TOPAZ1: variants seen among roughly 807,000 people sequenced by gnomAD.
The protein encoded by TOPAZ1 is protein TOPAZ1.
In TOPAZ1, 66 loss-of-function variants were observed where a neutral mutation model predicts 172.2. That is an observed-to-expected ratio of 0.38 (90% CI 0.31 to 0.47). The LOEUF is 0.47. Among genes scored for constraint, TOPAZ1 ranks in the 20% least tolerant of loss-of-function variants. The probability of loss-of-function intolerance (pLI) is 0.99; values close to 1 mark genes in which losing one functional copy is unlikely to be tolerated. For missense variants in TOPAZ1, 1,822 were observed against 1,972.4 expected, an observed-to-expected ratio of 0.92 and a Z score of 1.44; for synonymous variants, 681 against 683.9, an observed-to-expected ratio of 1.00 and a Z score of 0.07.
At chr3:44,306,228 G>A (rs1700335320) in intron 14 of TOPAZ1, 98 bp from the exon 15 acceptor site, 1 of 720,204 alleles carries the variant, frequency 1.4e-6, no homozygotes, top group East Asian at 2.7e-5. Context: ...GCCAACACCT[G>A]GTCTTTATGG....
Position 44,243,974 on chromosome 3 carries a change from G to A in TOPAZ1, c.1468G>A (p.Gly490Ser), listed in dbSNP as rs1699524753. 1 of 1,552,160 alleles carries A rather than the reference G, an allele frequency of 6.4e-7. No individual in the cohort carries two copies. The highest frequency in any genetic ancestry group is 1.4e-5 in the African/African-American group (1 of 73,052). ...CTGTCAGAGAACAATACCTATGACTGGTAAAAGAACTTGGCCCTATTATTC... is the reference window on the plus strand; with the variant it reads ...CTGTCAGAGAACAATACCTATGACTAGTAAAAGAACTTGGCCCTATTATTC... ...LSCQRTIPMTGKRTWPYYSCA... is the reference protein window; with the variant it reads ...LSCQRTIPMTSKRTWPYYSCA... The change falls in exon 2 of 20, where the codon GGT (glycine) becomes AGT (serine). Residue 490 changes from glycine to serine, a missense_variant. Physicochemically the swap from Gly to Ser is moderately conservative, Grantham distance 56. This residue lies in a region of TOPAZ1 where 1,489 missense variants were observed against 1,490.8 expected (regional missense o/e 1.00). Transcript: ENST00000309765.
chr3:44,330,404 T>G (rs1218794550), intron 19 of TOPAZ1, among the ~76,000 whole-genome samples: 1 of 152,220 alleles, frequency 6.6e-6, no homozygotes, highest in African/African-American at 2.4e-5. Context: ...ACCAATATAT[T>G]TTCTCTATTG....
chr3:44,311,725 G>T lies in TOPAZ1; in HGVS notation c.4306+1735G>T, dbSNP rs377150639. ...CTAGAATTTTTTAATTCTTAAAAGGGCTCTATAGTGAACAGGCCATTCCCA... is the reference window on the plus strand; with the variant it reads ...CTAGAATTTTTTAATTCTTAAAAGGTCTCTATAGTGAACAGGCCATTCCCA... On this transcript the variant is annotated intron_variant, in intron 16 of 19. Coordinates refer to ENST00000309765, the MANE Select transcript of TOPAZ1 (RefSeq NM_001145030.2). 1.2e-4 allele frequency among the ~76,000 whole-genome samples: 18 copies of T among 152,170 alleles called. No homozygotes were observed. The East Asian group carries it at 1.9e-3, about 16-fold the overall frequency.
At chr3:44,333,110 C>T (rs1302765994), downstream of TOPAZ1, among the ~76,000 whole-genome samples, 1 of 151,838 alleles carries the variant, frequency 6.6e-6, no homozygotes, top group Non-Finnish European at 1.5e-5. Flanking sequence ...AGGCATGGAC[C>T]ACCGTGCCCA....
Position 44,304,035 on chromosome 3 carries a change from A to G in TOPAZ1, c.3818A>G (p.Lys1273Arg). The change falls in exon 13 of 20, where the codon AAA (lysine) becomes AGA (arginine). Residue 1273 changes from lysine (K) to arginine (R), a missense_variant. By Grantham distance (26) the Lys-to-Arg change is conservative. Coordinates refer to ENST00000309765, the MANE Select transcript of TOPAZ1 (RefSeq NM_001145030.2). ...MKSRLQMRRFKKNWKCDLDSA... is the reference protein window; with the variant it reads ...MKSRLQMRRFRKNWKCDLDSA... ...TAAAGGTTACAGATGAGACGATTTA[A>G]AAAGAACTGGAAGTGTGATTTAGAT... The G allele has an allele frequency of 6.5e-7, 1 of 1,539,192 alleles. No individual in the cohort carries two copies. Among genetic ancestry groups the G allele is most frequent in the South Asian group, 1.2e-5 (1 of 82,890 alleles).
intron 12 of TOPAZ1, among the ~76,000 whole-genome samples, chr3:44,296,300 A>G (rs1700192815): frequency 6.6e-6 from 1 of 152,238 alleles, no homozygotes; most frequent in African/African-American, 2.4e-5. Flanking sequence ...CAAAGTAAGC[A>G]TAAGAAAGGC....
chr3:44,266,953 A>G (rs1699836501), intron 5 of TOPAZ1, 44 bp from the exon 6 acceptor site: 5 of 1,402,474 alleles, frequency 3.6e-6, no homozygotes, highest in Non-Finnish European at 4.8e-6. Flanking sequence ...TTTAATGTTT[A>G]AAAATACATT....
chr3:44,295,502 C>G (rs1700185230), intron 12 of TOPAZ1, among the ~76,000 whole-genome samples: 1 of 152,050 alleles, frequency 6.6e-6, no homozygotes, highest in Admixed American at 6.6e-5. Flanking sequence ...ATGCCCCTGA[C>G]AAGAAATTAA....
At chr3:44,327,363 A>G (rs879283360) in intron 18 of TOPAZ1, among the ~76,000 whole-genome samples, 4 of 149,346 alleles carry the variant, frequency 2.7e-5, no homozygotes, top group Non-Finnish European at 5.9e-5. Context: ...AAAATTGCCT[A>G]TATATAGTTT....
intron 12 of TOPAZ1, among the ~76,000 whole-genome samples, chr3:44,296,863 AAG>A (rs1700203745): frequency 8.2e-6 from 1 of 121,624 alleles, no homozygotes; most frequent in Non-Finnish European, 1.7e-5. Context: ...AAAAAAAAAA[AAG>A]AAAAAAAAAA....
rs1212386190 is a variant in TOPAZ1 at position 44,266,849 on chromosome 3, C to T, written c.3021-148C>T. 3 of 513,650 alleles carry T rather than the reference C, an allele frequency of 5.8e-6. No individual in the cohort carries two copies. The African/African-American group carries it at 5.9e-5, about 10-fold the overall frequency. The allele number at this position is 513,650 out of a possible 1,614,324, so 31.8% of individuals were successfully genotyped here. On this transcript the variant is annotated intron_variant, in intron 5 of 19. Transcript: ENST00000309765. ...AGAAAAATGGCACCAATTAGACTTG[C>T]TCGACTCAGGGTTGCCACAGTGCTT...
rs560292635 is a variant in TOPAZ1 at position 44,301,195 on chromosome 3, G to C, written c.3798-2820G>C. Among the ~76,000 whole-genome samples, 4 of 152,266 alleles carry C rather than the reference G, an allele frequency of 2.6e-5. No individual in the cohort carries two copies. In the South Asian group the frequency reaches 6.2e-4, roughly 24 times the overall value. On this transcript the variant is annotated intron_variant, in intron 12 of 19. Transcript: ENST00000309765. ...CCTTTGTAGAAATGGAACAGTTGCA[G>C]TTACATACACACACACAAATACATG...
At chr3:44,320,888 G>T in intron 16 of TOPAZ1, 139 bp from the exon 17 acceptor site, 1 of 535,722 alleles carries the variant, frequency 1.9e-6, no homozygotes, top group Non-Finnish European at 3.2e-6. Context: ...ATAAATTTGA[G>T]CCATGGTTAT....
rs1336874844 is a variant in TOPAZ1 at position 44,301,357 on chromosome 3, G to A, written c.3798-2658G>A. ...CAGTGTACTATTTTTGGAAATTCCT[G>A]TGAGCTTATTTAAAAGTCAAAAAAT... is the stretch of plus-strand genomic sequence containing the variant. On this transcript the variant is annotated intron_variant, in intron 12 of 19. Transcript: ENST00000309765. Among the ~76,000 whole-genome samples, 5 of 152,266 alleles carry A rather than the reference G, an allele frequency of 3.3e-5. No homozygotes were observed. The East Asian group carries it at 5.8e-4, about 18-fold the overall frequency.
chr3:44,270,495 A>G (rs895708025), intron 7 of TOPAZ1, among the ~76,000 whole-genome samples, 190 bp from the exon 8 acceptor site: 23 of 152,206 alleles, frequency 1.5e-4, no homozygotes, highest in Non-Finnish European at 3.1e-4. Context: ...AATCACTCTG[A>G]AATGATTTTT....
At chr3:44,276,142 T>G (rs1699952065) in intron 8 of TOPAZ1, among the ~76,000 whole-genome samples, 1 of 152,232 alleles carries the variant, frequency 6.6e-6, no homozygotes, top group Admixed American at 6.5e-5. Flanking sequence ...TTTTCTTTCA[T>G]TCAACAGGTT....
chr3:44,308,725 C>T (rs913902753), intron 15 of TOPAZ1, among the ~76,000 whole-genome samples: 1 of 151,948 alleles, frequency 6.6e-6, no homozygotes, highest in African/African-American at 2.4e-5. Flanking sequence ...TGAATTTTAT[C>T]TATTTTAATT....
intron 19 of TOPAZ1, among the ~76,000 whole-genome samples, chr3:44,329,041 G>A (rs928779992): frequency 3.8e-4 from 58 of 152,258 alleles, no homozygotes; most frequent in African/African-American, 1.4e-3. Context: ...TGCAATATAA[G>A]GATCTCCTGG....
At chr3:44,307,268 C>G (rs534818834) in intron 15 of TOPAZ1, among the ~76,000 whole-genome samples, 1 of 152,110 alleles carries the variant, frequency 6.6e-6, no homozygotes, top group South Asian at 2.1e-4. Context: ...TTGATCCACC[C>G]GCCTCAGCCT....
Sources: gnomAD v4.1 joint callset for allele counts (sites outside exome capture counted in the v4.1 genomes callset) on GRCh38, gnomAD v4.1.1 for gene constraint, gnomAD v4.1.1 regional missense constraint, MANE v1.5 for transcripts, NCBI Gene and HGNC (gene_info 2026-07-23, HGNC 2026-07-21) for gene names.